EDEM1: variants seen among roughly 807,000 people sequenced by gnomAD.
The protein encoded by EDEM1 is ER degradation enhancing alpha-mannosidase like protein 1, also known as ER degradation-enhancing alpha-mannosidase-like protein 1.
A neutral mutation model predicts 74.4 loss-of-function variants in EDEM1; 67 were observed. The ratio of observed to expected loss-of-function variants is 0.90; its 90% confidence interval spans 0.74 to 1.10. EDEM1 has a LOEUF of 1.10. Ranked by LOEUF, EDEM1 falls within the 50% of genes least tolerant of loss-of-function variation. The pLI, the probability that EDEM1 is intolerant of heterozygous loss-of-function variation, is 0.00. For synonymous variants in EDEM1, 382 were observed against 335.9 expected (o/e 1.14, Z -1.50); for missense variants, 926 against 851.6 (o/e 1.09, Z -1.09).
rs550526520 is a variant in EDEM1 at position 5,203,214 on chromosome 3, C to G, written c.1042+65C>G. ...TGGTCCCCTTTTCCTTTCATCTTCT[C>G]TGGGCTCTGCCCCCTTTTTACTCTT... On this transcript the variant is annotated intron_variant, in intron 5 of 11. Coordinates refer to ENST00000256497, the MANE Select transcript of EDEM1 (RefSeq NM_014674.3). 2.6e-5 allele frequency: 38 copies of G among 1,446,588 alleles called. No homozygotes were observed. In the African/African-American group the frequency reaches 5.4e-4, roughly 21 times the overall value. 89.6% of individuals were successfully genotyped at this position (1,446,588 alleles called of 1,614,324 possible).
Position 5,213,357 on chromosome 3 carries a change from C to T in EDEM1, c.1719C>T (p.Thr573=). The change falls in exon 11 of 12, where the codon ACC becomes ACT. Residue 573 remains threonine, a synonymous_variant. Transcript: ENST00000256497. The part of the protein sequence containing the change: ...DEDNPVHKSG[T]RYMFTTEGHI... ...ACAATCCAGTACACAAGTCTGGAAC[C>T]AGATACATGTTCACAACAGAGGGAC... 1 of 1,613,990 alleles carries T rather than the reference C, an allele frequency of 6.2e-7. No homozygotes were observed. Among genetic ancestry groups the T allele is most frequent in the African/African-American group, 1.3e-5 (1 of 75,034 alleles).
intron 5 of EDEM1, among the ~76,000 whole-genome samples, chr3:5,203,566 G>C (rs962588415): frequency 1.3e-5 from 2 of 152,162 alleles, no homozygotes; most frequent in African/African-American, 2.4e-5. Context: ...AAACCTGTGT[G>C]AGGTGGGGTT....
At chr3:5,204,119 GA>G (rs774087384) in intron 5 of EDEM1, among the ~76,000 whole-genome samples, 6 of 152,136 alleles carry the variant, frequency 3.9e-5, no homozygotes, top group Non-Finnish European at 7.3e-5. Flanking sequence ...TAGAAATAAA[GA>G]AGTCACTCAA....
At chr3:5,215,312 T>A (rs1559301813) in intron 11 of EDEM1, among the ~76,000 whole-genome samples, 1 of 151,438 alleles carries the variant, frequency 6.6e-6, no homozygotes, top group African/African-American at 2.4e-5. Context: ...GGGTTTTAAT[T>A]AAAGAAATAG....
chr3:5,203,214 C>T (rs550526520), intron 5 of EDEM1, 65 bp downstream of exon 5: 1 of 1,446,588 alleles, frequency 6.9e-7, no homozygotes, highest in Non-Finnish European at 9.2e-7. Flanking sequence ...TTCATCTTCT[C>T]TGGGCTCTGC....
intron 2 of EDEM1, among the ~76,000 whole-genome samples, chr3:5,195,870 T>G (rs752512685): frequency 6.6e-6 from 1 of 152,274 alleles, no homozygotes; most frequent in African/African-American, 2.4e-5. Flanking sequence ...TGAGCAGATA[T>G]GCAGAAGCAC....
At chr3:5,197,947 T>C (rs1398783921) in intron 2 of EDEM1, among the ~76,000 whole-genome samples, 1 of 152,112 alleles carries the variant, frequency 6.6e-6, no homozygotes, top group Non-Finnish European at 1.5e-5. Flanking sequence ...AGATGTACAT[T>C]GGTTCAGTCC....
chr3:5,198,755 C>T (rs1238390098), intron 2 of EDEM1, among the ~76,000 whole-genome samples: 12 of 140,016 alleles, frequency 8.6e-5, no homozygotes, highest in African/African-American at 3.2e-4. Context: ...CCTAGCTTGA[C>T]TTTTCCCTTT....
At chr3:5,194,313 T>A (rs182919231) in intron 1 of EDEM1, among the ~76,000 whole-genome samples, 198 of 152,358 alleles carry the variant, frequency 1.3e-3, no homozygotes, top group African/African-American at 4.5e-3. Flanking sequence ...ATTTTCTGGA[T>A]TTTTGGGAAT....
rs144902406 is a variant in EDEM1 at position 5,193,211 on chromosome 3, T to C, written c.510-1998T>C. ...ACATGATGAGGGAGCTGTTTTCTGA[T>C]GAGGTGGGCTGTTGAAGCCCACTCT... On this transcript the variant is annotated intron_variant, in intron 1 of 11. Transcript: ENST00000256497. Among the ~76,000 whole-genome samples, 207 of 152,230 alleles carry C rather than the reference T, an allele frequency of 1.4e-3. 1 individual carries two copies. The highest frequency in any genetic ancestry group is 4.9e-3 in the African/African-American group (202 of 41,550).
intron 8 of EDEM1, among the ~76,000 whole-genome samples, chr3:5,209,676 G>A (rs112998288): frequency 0.033 from 5,086 of 152,244 alleles, 276 homozygotes; most frequent in African/African-American, 0.12. Context: ...ACTGAGGACT[G>A]ATTTCTCAGG....
At chr3:5,212,616 G>A (rs193035263) in intron 10 of EDEM1, among the ~76,000 whole-genome samples, 61 of 152,304 alleles carry the variant, frequency 4.0e-4, no homozygotes, top group African/African-American at 1.4e-3. Context: ...TCCTCATCTT[G>A]AAATAGTTTA....
At chr3:5,188,710 C>G (rs886441719) in intron 1 of EDEM1, among the ~76,000 whole-genome samples, 1 of 152,214 alleles carries the variant, frequency 6.6e-6, no homozygotes. Context: ...TCATGCCCCC[C>G]GTGTAAACGC....
chr3:5,195,534 T>A (rs2054955334), intron 2 of EDEM1, among the ~76,000 whole-genome samples: 1 of 152,248 alleles, frequency 6.6e-6, no homozygotes, highest in Non-Finnish European at 1.5e-5. Context: ...CCTATTTTTT[T>A]TTAACCAGTT....
intron 1 of EDEM1, chr3:5,189,482 G>C (rs532245731): frequency 6.6e-6 from 1 of 152,312 alleles, no homozygotes; most frequent in South Asian, 2.1e-4. Flanking sequence ...CAAAATTCTA[G>C]GAAACCGATG....
In EDEM1 at chr3:5,217,004, C is replaced by G. The variant is rs913091238; in HGVS notation, c.*1086C>G. 6.6e-6 allele frequency: 1 copy of G among 152,620 alleles called. No individual in the cohort carries two copies. The highest frequency in any genetic ancestry group is 1.5e-5 in the Non-Finnish European group (1 of 68,044). 9.5% of individuals were successfully genotyped at this position (152,620 alleles called of 1,614,324 possible). On this transcript the variant is annotated 3_prime_UTR_variant, in exon 12 of 12. Transcript: ENST00000256497. ...CTTTTAGCATCCTTGAGCCATTTCT[C>G]TGTGTAATACAGGCTTTAGATTAGT...
chr3:5,213,137 A>AT (rs1326409839), intron 10 of EDEM1, among the ~76,000 whole-genome samples, 182 bp from the exon 11 acceptor site: 1 of 152,140 alleles, frequency 6.6e-6, no homozygotes, highest in Non-Finnish European at 1.5e-5. Context: ...GAAGCAGGTG[A>AT]TTCTGCCTTG....
intron 4 of EDEM1, 95 bp downstream of exon 4, chr3:5,202,019 G>T: frequency 2.9e-6 from 4 of 1,401,160 alleles, no homozygotes; most frequent in Non-Finnish European, 3.8e-6. Context: ...GAAGGAATGG[G>T]ATGGAGGTAG....
In EDEM1 at chr3:5,210,159, C is replaced by G. The variant is rs1376819960; in HGVS notation, c.1510-16C>G. 2 of 1,611,426 alleles carry G rather than the reference C, an allele frequency of 1.2e-6. No homozygotes were observed. The stretch of plus-strand genomic sequence containing the variant: ...CCAAGCCCATGCTGGATCACATTCT[C>G]TCGTGTTCTCTCTAGGCAACCAAGA... On this transcript the variant is annotated splice_polypyrimidine_tract_variant and intron_variant, in intron 8 of 11. Coordinates refer to ENST00000256497, the MANE Select transcript of EDEM1 (RefSeq NM_014674.3).
Sources: allele counts gnomAD v4.1 joint callset (sites outside exome capture counted in the v4.1 genomes callset), GRCh38; gene constraint gnomAD v4.1.1; transcripts MANE v1.5; gene names NCBI Gene and HGNC (gene_info 2026-07-23, HGNC 2026-07-21).